The following TMEM245 variants were observed in gnomAD, a reference collection of about 807,000 sequenced individuals.
TMEM245 encodes transmembrane protein 245.
Under a neutral mutation model 101.2 loss-of-function variants are expected in TMEM245, and 69 were observed. The ratio of observed to expected loss-of-function variants is 0.68; its 90% CI spans 0.56 to 0.83. TMEM245 has a LOEUF of 0.83. Ranked by LOEUF, TMEM245 falls within the 40% of genes least tolerant of loss-of-function variation. The pLI, the probability that TMEM245 is intolerant of heterozygous loss-of-function variation, is 0.00. For synonymous variants in TMEM245, 537 were observed against 449.8 expected (o/e 1.19, Z -2.45); for missense variants, 1,075 against 1,092.8 (o/e 0.98, Z 0.23).
chr9:109,086,195 GTAGTATTCCTTTAAGATATATAATGA>G lies in TMEM245; in HGVS notation c.1321-201_1321-176del, dbSNP rs1160630436. Among the ~76,000 whole-genome samples the G allele has an allele frequency of 2.6e-5, 4 of 152,316 alleles. No individual in the cohort carries two copies. The East Asian group carries it at 5.8e-4, about 22-fold the overall frequency. On this transcript the variant is annotated intron_variant, in intron 6 of 17. Coordinates refer to ENST00000374586, the MANE Select transcript of TMEM245 (RefSeq NM_032012.4). ...ATCAAAGTTTTAAAATCAACGGAAT[GTAGTATTCCTTTAAGATATATAATGA>G]TTGAAATGATGATAACCACATCTTT...
At chr9:109,029,204 G>A (rs983202802) in intron 17 of TMEM245, among the ~76,000 whole-genome samples, 1 of 152,074 alleles carries the variant, frequency 6.6e-6, no homozygotes, top group African/African-American at 2.4e-5. Flanking sequence ...GAGAAAGGAT[G>A]TAAAATGTGA....
At chr9:109,119,310 CG>C in intron 1 of TMEM245, 24 bp downstream of exon 1, 2 of 1,515,786 alleles carry the variant, frequency 1.3e-6, no homozygotes, top group South Asian at 1.2e-5. Flanking sequence ...GGGCGGGGGA[CG>C]GGGGCGGACT....
intron 17 of TMEM245, among the ~76,000 whole-genome samples, chr9:109,023,209 T>C (rs1275980976): frequency 1.3e-5 from 2 of 152,282 alleles, no homozygotes; most frequent in African/African-American, 2.4e-5. Flanking sequence ...GGTGTTAGGG[T>C]GATTGATGGA....
At chr9:109,104,098 A>G (rs931311941) in intron 3 of TMEM245, among the ~76,000 whole-genome samples, 1 of 152,170 alleles carries the variant, frequency 6.6e-6, no homozygotes, top group Admixed American at 6.6e-5. Flanking sequence ...AACAGAAAAA[A>G]AAAATTAAAA....
At chr9:109,027,281 C>T (rs1369633298) in intron 17 of TMEM245, among the ~76,000 whole-genome samples, 4 of 151,968 alleles carry the variant, frequency 2.6e-5, no homozygotes, top group Non-Finnish European at 5.9e-5. Flanking sequence ...CTCACCCCAC[C>T]TCCCACCCCA....
intron 8 of TMEM245, among the ~76,000 whole-genome samples, chr9:109,075,180 C>G (rs1467155160): frequency 6.6e-6 from 1 of 152,226 alleles, no homozygotes; most frequent in Non-Finnish European, 1.5e-5. Flanking sequence ...CTTACATTAA[C>G]CAACTGTTGG....
At chr9:109,111,838 T>C (rs1830574569) in intron 1 of TMEM245, among the ~76,000 whole-genome samples, 1 of 152,134 alleles carries the variant, frequency 6.6e-6, no homozygotes, top group South Asian at 2.1e-4. Context: ...ACAAAAAATG[T>C]TTTAAAATAT....
Position 109,091,280 on chromosome 9 carries a change from C to T in TMEM245, c.917-125G>A, listed in dbSNP as rs143911112. On this transcript the variant is annotated intron_variant, in intron 4 of 17. Coordinates refer to ENST00000374586, the MANE Select transcript of TMEM245 (RefSeq NM_032012.4). ...ATGTGCTGATATGGTATGATTACAT[C>T]GGGTTAAAAAAGACAAAAATATTTG... is the stretch of plus-strand genomic sequence containing the variant. 62 of 826,868 alleles carry T rather than the reference C, an allele frequency of 7.5e-5. No homozygotes were observed. The East Asian group carries it at 7.9e-4, about 11-fold the overall frequency. The allele number at this position is 826,868 out of a possible 1,614,324, so 51.2% of individuals were successfully genotyped here. A position where few individuals can be genotyped will look rare whatever the true frequency, so the allele number is the denominator to read the frequency against.
rs763953755 is a variant in TMEM245 at position 109,108,471 on chromosome 9, T to C, written c.679A>G (p.Ile227Val). ...AACCCACCTAAATGAAAAAGCAATATAATCCAGACAGGAATTGAAACTGCT... is the reference window on the plus strand; with the variant it reads ...AACCCACCTAAATGAAAAAGCAATACAATCCAGACAGGAATTGAAACTGCT... ...LRAVSIPVWI[I>V]LLFHLASLAG... is the part of the protein sequence containing the mutation. Residue 227 changes from isoleucine (I) to valine (V), a missense_variant, in exon 2 of 18, where the codon ATA (isoleucine) becomes GTA (valine). Physicochemically the swap from Ile to Val is conservative, Grantham distance 29. This residue lies in a region of TMEM245 where 808 missense variants were observed against 741.5 expected (regional missense o/e 1.09). Coordinates refer to ENST00000374586, the MANE Select transcript of TMEM245 (RefSeq NM_032012.4). 3 of 1,428,708 alleles carry C rather than the reference T, an allele frequency of 2.1e-6. No homozygotes were observed. Among genetic ancestry groups the C allele is most frequent in the South Asian group, 1.3e-5 (1 of 74,938 alleles). 88.5% of individuals were successfully genotyped at this position (1,428,708 alleles called of 1,614,324 possible).
chr9:109,115,350 A>G (rs1028288980), intron 1 of TMEM245, among the ~76,000 whole-genome samples: 1 of 151,918 alleles, frequency 6.6e-6, no homozygotes, highest in Admixed American at 6.6e-5. Flanking sequence ...GTCTCAAAAT[A>G]TAAGAAGAAA....
intron 17 of TMEM245, among the ~76,000 whole-genome samples, chr9:109,027,962 G>A (rs1362585947): frequency 1.3e-5 from 2 of 151,712 alleles, no homozygotes; most frequent in South Asian, 2.1e-4. Context: ...GATTACAGGC[G>A]TGACCCACCG....
At chr9:109,083,925 A>AAAAAAAAAAAAAAAAAAAAAAAC (rs1554725114) in intron 7 of TMEM245, among the ~76,000 whole-genome samples, 1 of 140,876 alleles carries the variant, frequency 7.1e-6, no homozygotes, top group East Asian at 2.3e-4. Flanking sequence ...AAAAAAAAAA[A>AAAAAAAAAAAAAAAAAAAAAAAC]AAAACACCAG....
At chr9:109,054,036 A>C (rs529670407) in intron 12 of TMEM245, among the ~76,000 whole-genome samples, 62 of 152,326 alleles carry the variant, frequency 4.1e-4, no homozygotes, top group African/African-American at 1.4e-3. Context: ...TTCTAAATAC[A>C]ACAATAATTA....
chr9:109,021,495 T>A (rs1564164642), intron 17 of TMEM245, among the ~76,000 whole-genome samples: 1 of 125,748 alleles, frequency 8.0e-6, no homozygotes, highest in Non-Finnish European at 1.8e-5. Flanking sequence ...ACAGTTGGTT[T>A]TTTGTTTGTT....
At chr9:109,076,455 C>T (rs1276095661) in intron 8 of TMEM245, among the ~76,000 whole-genome samples, 1 of 151,848 alleles carries the variant, frequency 6.6e-6, no homozygotes, top group Non-Finnish European at 1.5e-5. Context: ...GGGTGCAGCA[C>T]ACCAACATGG....
chr9:109,053,412 G>A (rs1260204365), intron 12 of TMEM245, among the ~76,000 whole-genome samples: 7 of 152,234 alleles, frequency 4.6e-5, no homozygotes. Context: ...GGATGACAAA[G>A]CGAGACTCTC....
chr9:109,119,473 G>A lies in TMEM245; in HGVS notation c.441C>T (p.Arg147=), dbSNP rs1296314564. Residue 147 remains arginine, a synonymous_variant, in exon 1 of 18, where the codon CGC becomes CGT. Transcript: ENST00000374586. The stretch of plus-strand genomic sequence containing the variant: ...CGCCGGCGCCGAGCAGCAGGAGCAG[G>A]CGGCGGCGGCGCAGCGCCTGCTCGC... ...ALGEQALRRR[R]LLLLLGAGGP... 6.7e-7 allele frequency: 1 copy of A among 1,485,032 alleles called. No individual in the cohort carries two copies. Among genetic ancestry groups the A allele is most frequent in the East Asian group, 2.7e-5 (1 of 37,030 alleles). 92.0% of individuals were successfully genotyped at this position (1,485,032 alleles called of 1,614,324 possible). A position where few individuals can be genotyped will look rare whatever the true frequency, so the allele number is the denominator to read the frequency against.
chr9:109,037,539 G>C (rs1379840458), intron 15 of TMEM245, among the ~76,000 whole-genome samples: 8 of 152,148 alleles, frequency 5.3e-5, no homozygotes, highest in Admixed American at 5.2e-4. Context: ...GTGAATGAAT[G>C]AGTTATCGTG....
intron 1 of TMEM245, among the ~76,000 whole-genome samples, chr9:109,108,809 A>T (rs1254734351): frequency 6.6e-6 from 1 of 152,206 alleles, no homozygotes; most frequent in Non-Finnish European, 1.5e-5. Context: ...AACAAAAGAT[A>T]CATAGTTCAA....
Sources: gnomAD v4.1 joint callset for allele counts (sites outside exome capture counted in the v4.1 genomes callset) on GRCh38, gnomAD v4.1.1 for gene constraint, gnomAD v4.1.1 regional missense constraint, MANE v1.5 for transcripts, NCBI Gene and HGNC (gene_info 2026-07-23, HGNC 2026-07-21) for gene names.